COLQ: variants seen among roughly 807,000 people sequenced by gnomAD.
COLQ encodes acetylcholinesterase collagenic tail peptide.
COLQ carries 48 observed loss-of-function variants against 69.0 expected under a neutral mutation model. The observed-to-expected ratio is 0.70, with a 90% CI of 0.55 to 0.88. The LOEUF is 0.88. Among genes scored for constraint, COLQ ranks in the 40% least tolerant of loss-of-function variants. The probability of loss-of-function intolerance (pLI) is 0.00; values close to 1 mark genes in which losing one functional copy is unlikely to be tolerated. For synonymous variants in COLQ, 217 were observed against 211.2 expected (o/e 1.03, Z -0.24); for missense variants, 618 against 594.6 (o/e 1.04, Z -0.41).
intron 12 of COLQ, among the ~76,000 whole-genome samples, chr3:15,462,098 G>A (rs1204393883): frequency 2.0e-5 from 3 of 151,798 alleles, no homozygotes; most frequent in East Asian, 3.9e-4. Flanking sequence ...GCGAGATCTC[G>A]GCTCACTGTA....
chr3:15,517,445 G>T (rs78868657), intron 1 of COLQ, among the ~76,000 whole-genome samples: 6,219 of 152,274 alleles, frequency 0.041, 291 homozygotes, highest in Admixed American at 0.14. Context: ...TGTGTGGAAG[G>T]CCTGCCCTCC....
At chr3:15,481,082 C>T (rs1241896861) in intron 3 of COLQ, among the ~76,000 whole-genome samples, 1 of 152,058 alleles carries the variant, frequency 6.6e-6, no homozygotes, top group Admixed American at 6.5e-5. Flanking sequence ...GATATTAGCC[C>T]TTTGTAGATT....
intron 3 of COLQ, among the ~76,000 whole-genome samples, chr3:15,487,548 A>G (rs1443686994): frequency 6.6e-6 from 1 of 152,184 alleles, no homozygotes; most frequent in Non-Finnish European, 1.5e-5. Context: ...GCACTTGGGA[A>G]CTAACTGCTC....
intron 7 of COLQ, 150 bp from the exon 8 acceptor site, chr3:15,475,101 A>G: frequency 1.2e-6 from 1 of 857,722 alleles, no homozygotes. Context: ...AAACACAAAG[A>G]TGTCCCAGAG....
intron 1 of COLQ, among the ~76,000 whole-genome samples, chr3:15,519,819 G>T (rs2125194599): frequency 6.6e-6 from 1 of 152,302 alleles, no homozygotes; most frequent in African/African-American, 2.4e-5. Flanking sequence ...AACCACTTTG[G>T]TGCTATTTAA....
At chr3:15,517,202 C>A (rs1437515004) in intron 1 of COLQ, among the ~76,000 whole-genome samples, 1 of 152,086 alleles carries the variant, frequency 6.6e-6, no homozygotes, top group Non-Finnish European at 1.5e-5. Flanking sequence ...GGGTAGCCTA[C>A]AGGACTTTAA....
At chr3:15,491,020 TG>T (rs10711086) in intron 1 of COLQ, among the ~76,000 whole-genome samples, 3,934 of 152,306 alleles carry the variant, frequency 0.026, 164 homozygotes, top group African/African-American at 0.087. Flanking sequence ...ATATGTTCTC[TG>T]GTGTTTGCAC....
At chr3:15,462,493 G>A (rs1259582019) in intron 12 of COLQ, among the ~76,000 whole-genome samples, 1 of 144,044 alleles carries the variant, frequency 6.9e-6, no homozygotes, top group African/African-American at 2.9e-5. Flanking sequence ...AATGGGGGGC[G>A]GGGGCATCAA....
At chr3:15,452,072 T>TG (rs1358211031) in intron 16 of COLQ, among the ~76,000 whole-genome samples, 1 of 150,170 alleles carries the variant, frequency 6.7e-6, no homozygotes, top group Non-Finnish European at 1.5e-5. Context: ...AACTGCATTT[T>TG]TTTTTTTTTT....
At chr3:15,510,503 T>A (rs936018923) in intron 1 of COLQ, among the ~76,000 whole-genome samples, 1 of 150,036 alleles carries the variant, frequency 6.7e-6, no homozygotes, top group Non-Finnish European at 1.5e-5. Context: ...ACCCCAGGAG[T>A]TCAAGACGAG....
chr3:15,460,926 C>T (rs1443810147), intron 12 of COLQ, among the ~76,000 whole-genome samples: 13 of 152,156 alleles, frequency 8.5e-5, no homozygotes, highest in Non-Finnish European at 1.9e-4. Context: ...CCAACAACTC[C>T]TCCAGAACCA....
chr3:15,515,736 G>A (rs2063052623), intron 1 of COLQ, among the ~76,000 whole-genome samples: 2 of 152,218 alleles, frequency 1.3e-5, no homozygotes, highest in African/African-American at 4.8e-5. Context: ...AACCCAGGAG[G>A]TGGAGGTTGC....
intron 15 of COLQ, among the ~76,000 whole-genome samples, chr3:15,454,247 TG>T (rs937096735): frequency 6.6e-6 from 1 of 152,058 alleles, no homozygotes; most frequent in Non-Finnish European, 1.5e-5. Flanking sequence ...AAAGCCAGTG[TG>T]GGGGTCCCGG....
chr3:15,467,819 C>A (rs1216867588), intron 11 of COLQ: 1 of 455,524 alleles, frequency 2.2e-6, no homozygotes, highest in African/African-American at 2.0e-5. Context: ...GCTTGGGACT[C>A]CTTTCCAGCC....
chr3:15,489,380 A>C, intron 2 of COLQ, 145 bp downstream of exon 2: 1 of 756,998 alleles, frequency 1.3e-6, no homozygotes, highest in Non-Finnish European at 2.3e-6. Context: ...TCCGGGGCTC[A>C]ACTTCTGGGT....
chr3:15,484,748 C>CA (rs1436959828), intron 3 of COLQ, among the ~76,000 whole-genome samples: 4 of 147,060 alleles, frequency 2.7e-5, no homozygotes, highest in African/African-American at 1.0e-4. Context: ...AGTTCTCGTG[C>CA]TGTGGTTTTC....
chr3:15,520,820 T>C (rs973732332), intron 1 of COLQ, among the ~76,000 whole-genome samples: 4 of 152,148 alleles, frequency 2.6e-5, no homozygotes, highest in African/African-American at 9.7e-5. Flanking sequence ...CCCAGCCTCA[T>C]ACCCGGCAGA....
intron 1 of COLQ, among the ~76,000 whole-genome samples, chr3:15,500,865 A>G (rs924997716): frequency 2.6e-5 from 4 of 152,172 alleles, no homozygotes; most frequent in Non-Finnish European, 5.9e-5. Flanking sequence ...CCTGGTCTTT[A>G]GCCCTGGCAC....
Position 15,453,638 on chromosome 3 carries a change from G to A in COLQ, c.1298+191C>T, listed in dbSNP as rs117614161. ...TGCCGTGGCTCAGTCTCAGTGGCAC[G>A]CAGGCAGTGCTGACCAAGAGGGCAC... On this transcript the variant is annotated intron_variant, in intron 16 of 16. Transcript: ENST00000383788. Among the ~76,000 whole-genome samples the A allele has an allele frequency of 1.4e-3, 217 of 152,324 alleles. 1 individual carries two copies. The East Asian group carries it at 0.03, about 21-fold the overall frequency.
Sources: gnomAD v4.1 joint callset for allele counts (sites outside exome capture counted in the v4.1 genomes callset) on GRCh38, gnomAD v4.1.1 for gene constraint, MANE v1.5 for transcripts, NCBI Gene and HGNC (gene_info 2026-07-23, HGNC 2026-07-21) for gene names.